VWA3B: variants seen among roughly 807,000 people sequenced by gnomAD.
The protein encoded by VWA3B is von Willebrand factor A domain-containing protein 3B.
A neutral mutation model predicts 158.3 loss-of-function variants in VWA3B; 138 were observed. The ratio of observed to expected loss-of-function variants is 0.87; its 90% CI spans 0.76 to 1.00. The LOEUF is 1.00. VWA3B is among the 50% of genes least tolerant of loss of function. VWA3B has a pLI of 0.00. For synonymous variants in VWA3B, 596 were observed against 587.3 expected, an observed-to-expected ratio of 1.01 and a Z score of -0.21; for missense variants, 1,555 against 1,565.1, an observed-to-expected ratio of 0.99 and a Z score of 0.11.
At chr2:98,191,927 C>T (rs1330719637) in intron 10 of VWA3B, among the ~76,000 whole-genome samples, 3 of 152,322 alleles carry the variant, frequency 2.0e-5, no homozygotes, top group East Asian at 3.9e-4. Context: ...TCTTTCCTTA[C>T]CTCCACCCCC....
intron 26 of VWA3B, among the ~76,000 whole-genome samples, chr2:98,304,332 C>T (rs62155309): frequency 0.039 from 5,934 of 152,178 alleles, 168 homozygotes; most frequent in Middle Eastern, 0.075. Flanking sequence ...AGAGCAAACA[C>T]GAACCCAAGT....
chr2:98,150,850 G>A (rs1469478712), intron 7 of VWA3B, among the ~76,000 whole-genome samples: 2 of 152,144 alleles, frequency 1.3e-5, no homozygotes. Flanking sequence ...GGTGAGGAAG[G>A]ACTGACATAT....
In VWA3B at chr2:98,192,944, CATA is replaced by C; in HGVS notation, c.1516_1518del (p.Asn506del). The C allele has an allele frequency of 6.2e-7, 1 of 1,614,150 alleles. No individual in the cohort carries two copies. Among genetic ancestry groups the C allele is most frequent in the Non-Finnish European group, 8.5e-7 (1 of 1,180,032 alleles). ...GAGTCAAAGCCTCTTTGGAAGATTG[CATA>C]ATGATTGCATCTACATTCTCATTGA... On this transcript the variant is annotated inframe_deletion, in exon 11 of 28. Coordinates refer to ENST00000477737, the MANE Select transcript of VWA3B (RefSeq NM_144992.5).
chr2:98,087,794 T>TA (rs1681971935), intron 1 of VWA3B, among the ~76,000 whole-genome samples: 1 of 152,188 alleles, frequency 6.6e-6, no homozygotes, highest in Admixed American at 6.5e-5. Flanking sequence ...AAGCAACACT[T>TA]ACATGGTTTC....
At chr2:98,113,838 T>C (rs988016713) in intron 2 of VWA3B, among the ~76,000 whole-genome samples, 5 of 152,216 alleles carry the variant, frequency 3.3e-5, no homozygotes, top group African/African-American at 1.2e-4. Context: ...CCAGCACCAA[T>C]ACTTTATTCC....
intron 8 of VWA3B, among the ~76,000 whole-genome samples, chr2:98,168,149 T>A (rs898807534): frequency 3.9e-5 from 6 of 152,150 alleles, no homozygotes; most frequent in Non-Finnish European, 8.8e-5. Flanking sequence ...CAAAACTGAC[T>A]GAGAACTAAC....
chr2:98,111,133 A>G (rs941653569), intron 2 of VWA3B, among the ~76,000 whole-genome samples: 1 of 152,136 alleles, frequency 6.6e-6, no homozygotes, highest in Non-Finnish European at 1.5e-5. Flanking sequence ...TGGATTCTCC[A>G]GTGTCTATTT....
chr2:98,191,791 A>T (rs1041556535), intron 10 of VWA3B, among the ~76,000 whole-genome samples: 4 of 152,116 alleles, frequency 2.6e-5, no homozygotes, highest in African/African-American at 9.7e-5. Flanking sequence ...CCTTCTGCAG[A>T]TCTCTGGAGC....
chr2:98,217,931 C>T lies in VWA3B; in HGVS notation c.1922C>T (p.Ala641Val). ...TCCTTCAATTACAATGATGAGATTGCAAACAGGTTTTTGAAAGAGGTTGCT... is the reference window on the plus strand; with the variant it reads ...TCCTTCAATTACAATGATGAGATTGTAAACAGGTTTTTGAAAGAGGTTGCT... ...TISFNYNDEI[A>V]NRFLKEVAAL... Residue 641 changes from alanine to valine, a missense_variant, in exon 14 of 28, where the codon GCA (alanine) becomes GTA (valine). Ala to Val is a moderately conservative substitution (Grantham distance 64). Coordinates refer to ENST00000477737, the MANE Select transcript of VWA3B (RefSeq NM_144992.5). The T allele has an allele frequency of 3.7e-6, 6 of 1,613,522 alleles. No homozygotes were observed. The highest frequency in any genetic ancestry group is 5.1e-6 in the Non-Finnish European group (6 of 1,179,762).
chr2:98,091,630 G>C (rs1413830742), intron 1 of VWA3B, among the ~76,000 whole-genome samples: 1 of 152,178 alleles, frequency 6.6e-6, no homozygotes, highest in Non-Finnish European at 1.5e-5. Context: ...ATAACATGAT[G>C]TTAAATAAGT....
At chr2:98,255,274 C>T (rs1458845268) in intron 20 of VWA3B, among the ~76,000 whole-genome samples, 1 of 141,212 alleles carries the variant, frequency 7.1e-6, no homozygotes, top group Non-Finnish European at 1.5e-5. Context: ...TCAGGTGATC[C>T]GCCCGCCTCG....
At chr2:98,140,907 C>T (rs1294709210) in intron 7 of VWA3B, among the ~76,000 whole-genome samples, 2 of 152,176 alleles carry the variant, frequency 1.3e-5, no homozygotes, top group African/African-American at 4.8e-5. Context: ...CCCATTCTTG[C>T]CTTGGGGTCT....
chr2:98,172,495 T>C (rs1316280207), intron 8 of VWA3B, among the ~76,000 whole-genome samples: 1 of 152,158 alleles, frequency 6.6e-6, no homozygotes, highest in Non-Finnish European at 1.5e-5. Flanking sequence ...GCCAGGTTGG[T>C]CTTGGGAAAT....
At chr2:98,175,062 A>T (rs1040515179) in intron 8 of VWA3B, among the ~76,000 whole-genome samples, 1 of 152,226 alleles carries the variant, frequency 6.6e-6, no homozygotes, top group African/African-American at 2.4e-5. Context: ...TCTGATTTCC[A>T]GAGTTGCTGC....
At chr2:98,134,381 C>T (rs1186544528) in intron 7 of VWA3B, among the ~76,000 whole-genome samples, 1 of 152,098 alleles carries the variant, frequency 6.6e-6, no homozygotes, top group Non-Finnish European at 1.5e-5. Flanking sequence ...GGGCGGAGGC[C>T]GCACAGGAAC....
At chr2:98,124,795 C>CCTAAT (rs1029893531) in intron 5 of VWA3B, among the ~76,000 whole-genome samples, 1 of 152,184 alleles carries the variant, frequency 6.6e-6, no homozygotes, top group African/African-American at 2.4e-5. Flanking sequence ...AGCACACACT[C>CCTAAT]CTAATCTGTT....
intron 8 of VWA3B, among the ~76,000 whole-genome samples, chr2:98,175,520 A>G (rs1368413413): frequency 1.3e-5 from 2 of 152,360 alleles, no homozygotes; most frequent in East Asian, 3.9e-4. Flanking sequence ...GAGGTTACCC[A>G]GTCTGAAGAA....
Position 98,100,154 on chromosome 2 carries a change from T to C in VWA3B, c.196+6866T>C, listed in dbSNP as rs79440830. Among the ~76,000 whole-genome samples, 64 of 152,352 alleles carry C rather than the reference T, an allele frequency of 4.2e-4. 1 individual carries two copies. Among genetic ancestry groups the C allele is most frequent in the African/African-American group, 1.5e-3 (63 of 41,582 alleles). ...CTTGATCCTTGTGGTTGTACATCAATGTCTGCATTAAAGAAGCAGGTGCTT... is the reference window on the plus strand; with the variant it reads ...CTTGATCCTTGTGGTTGTACATCAACGTCTGCATTAAAGAAGCAGGTGCTT... On this transcript the variant is annotated intron_variant, in intron 2 of 27. Transcript: ENST00000477737.
At chr2:98,249,210 C>A (rs367725505) in intron 19 of VWA3B, among the ~76,000 whole-genome samples, 1 of 151,958 alleles carries the variant, frequency 6.6e-6, no homozygotes, top group Non-Finnish European at 1.5e-5. Flanking sequence ...TGGGAACATG[C>A]GTTTATTCCT....
Sources: allele counts gnomAD v4.1 joint callset (sites outside exome capture counted in the v4.1 genomes callset), GRCh38; gene constraint gnomAD v4.1.1; transcripts MANE v1.5; gene names NCBI Gene and HGNC (gene_info 2026-07-23, HGNC 2026-07-21).